Variants in NBEA observed in about 807,000 individuals in gnomAD.
NBEA encodes the protein neurobeachin.
Under a neutral mutation model 343.4 loss-of-function variants are expected in NBEA, and 44 were observed. The ratio of observed to expected loss-of-function variants is 0.13; its 90% CI spans 0.10 to 0.16. NBEA has a LOEUF of 0.16. NBEA is among the 10% of genes least tolerant of loss of function. The pLI is 1.00. For synonymous variants in NBEA, 1,175 were observed against 1,238.7 expected (o/e 0.95, Z 1.08); for missense variants, 2,555 against 3,631.3 (o/e 0.70, Z 7.62).
At chr13:35,029,993 C>T (rs768141513) in intron 1 of NBEA, among the ~76,000 whole-genome samples, 2 of 151,492 alleles carry the variant, frequency 1.3e-5, no homozygotes, top group Admixed American at 6.6e-5. Context: ...AAAAGAACAC[C>T]GTTAACTGTG....
At chr13:35,660,113 C>G (rs749363121) in intron 55 of NBEA, among the ~76,000 whole-genome samples, 2 of 152,058 alleles carry the variant, frequency 1.3e-5, no homozygotes, top group African/African-American at 4.8e-5. Flanking sequence ...CTTTGGAATC[C>G]CTAGAGTCCA....
rs2069232045 is a variant in NBEA, at chr13:35,157,234, A to G, written c.2808A>G (p.Arg936=). The change falls in exon 21 of 59, where the codon AGA becomes AGG. Residue 936 remains arginine, a synonymous_variant. Transcript: ENST00000379939. Reference sequence around the variant, plus strand: ...TAAAATATGAATGGGGAGGCTGGAGAGTCTGGGTGGATACCCTCTCAATAG... The same window carrying G: ...TAAAATATGAATGGGGAGGCTGGAGGGTCTGGGTGGATACCCTCTCAATAG... ...HAIKYEWGGW[R]VWVDTLSIAH... is the part of the protein sequence containing the mutation. 6.2e-7 allele frequency: 1 copy of G among 1,603,200 alleles called. No homozygotes were observed. The highest frequency in any genetic ancestry group is 8.5e-7 in the Non-Finnish European group (1 of 1,174,740).
At chr13:35,549,854 G>T (rs2079230414) in intron 41 of NBEA, among the ~76,000 whole-genome samples, 1 of 152,216 alleles carries the variant, frequency 6.6e-6, no homozygotes, top group South Asian at 2.1e-4. Context: ...GCCAAACTCT[G>T]CCCTGGGGGC....
rs575976643 is a variant in NBEA, at chr13:35,364,626, T to G, written c.6179+12303T>G. On this transcript the variant is annotated intron_variant, in intron 38 of 58. Coordinates refer to ENST00000379939, the MANE Select transcript of NBEA (RefSeq NM_001385012.1). Reference sequence around the variant, plus strand: ...CTCCAAAATGTTGTCATGAAAGTGATTAAGGGGGATTGAAGATCATGGTAA... The same window carrying G: ...CTCCAAAATGTTGTCATGAAAGTGAGTAAGGGGGATTGAAGATCATGGTAA... Among the ~76,000 whole-genome samples, 13 of 151,840 alleles carry G rather than the reference T, an allele frequency of 8.6e-5. 1 individual carries two copies. The highest frequency in any genetic ancestry group is 3.9e-4 in the East Asian group (2 of 5,170).
At chr13:35,416,421 C>A (rs1352316890) in intron 38 of NBEA, among the ~76,000 whole-genome samples, 1 of 152,130 alleles carries the variant, frequency 6.6e-6, no homozygotes, top group East Asian at 1.9e-4. Flanking sequence ...CACGTCCCAT[C>A]AATACCTACT....
rs1051769889 is a variant in NBEA at position 35,408,173 on chromosome 13, G to A, written c.6180-24096G>A. ...TACAAAAACAGACACATAGACCAAT[G>A]GAACAGAATACAGAACCCAGAAATA... On this transcript the variant is annotated intron_variant, in intron 38 of 58. Coordinates refer to ENST00000379939, the MANE Select transcript of NBEA (RefSeq NM_001385012.1). Among the ~76,000 whole-genome samples, 5 of 152,072 alleles carry A rather than the reference G, an allele frequency of 3.3e-5. No homozygotes were observed. The South Asian group carries it at 6.2e-4, about 19-fold the overall frequency.
At chr13:35,178,180 A>G (rs74048936) in intron 28 of NBEA, among the ~76,000 whole-genome samples, 6,737 of 151,834 alleles carry the variant, frequency 0.044, 174 homozygotes, top group South Asian at 0.08. Flanking sequence ...GTCTGGGTGC[A>G]GTGAAAGCTG....
intron 38 of NBEA, among the ~76,000 whole-genome samples, chr13:35,399,624 T>TTCTTA (rs1326545949): frequency 1.3e-5 from 2 of 152,118 alleles, no homozygotes; most frequent in Non-Finnish European, 2.9e-5. Flanking sequence ...CATATAAGCT[T>TTCTTA]TCTTATCATT....
intron 41 of NBEA, among the ~76,000 whole-genome samples, chr13:35,505,618 A>G (rs1361739315): frequency 6.6e-6 from 1 of 152,230 alleles, no homozygotes; most frequent in Non-Finnish European, 1.5e-5. Context: ...ATTCCATCTT[A>G]GAAGGAATAA....
At chr13:35,228,515 A>G (rs925289722) in intron 33 of NBEA, among the ~76,000 whole-genome samples, 2 of 151,692 alleles carry the variant, frequency 1.3e-5, no homozygotes, top group Non-Finnish European at 2.9e-5. Context: ...GTAATTTCTT[A>G]CCTCTCGCTC....
At chr13:35,180,710 A>G (rs939512242) in intron 28 of NBEA, among the ~76,000 whole-genome samples, 2 of 151,694 alleles carry the variant, frequency 1.3e-5, no homozygotes, top group Non-Finnish European at 3.0e-5. Context: ...GGGAAATAGT[A>G]GTATTTGAAT....
intron 41 of NBEA, among the ~76,000 whole-genome samples, chr13:35,516,520 A>G (rs1381198121): frequency 6.6e-6 from 1 of 152,212 alleles, no homozygotes; most frequent in African/African-American, 2.4e-5. Context: ...AGAAAATTAA[A>G]TGAGTCTACC....
intron 38 of NBEA, among the ~76,000 whole-genome samples, chr13:35,394,369 C>T (rs1000249098): frequency 6.6e-6 from 1 of 152,018 alleles, no homozygotes; most frequent in African/African-American, 2.4e-5. Context: ...CTTTTTTCCT[C>T]CCTTTTTGGT....
intron 10 of NBEA, among the ~76,000 whole-genome samples, chr13:35,078,331 C>T (rs1166960796): frequency 2.6e-5 from 4 of 152,182 alleles, no homozygotes; most frequent in Non-Finnish European, 5.9e-5. Context: ...CTGGTAGCCT[C>T]ATAAAACAAC....
intron 48 of NBEA, among the ~76,000 whole-genome samples, chr13:35,611,761 A>C (rs1174251680): frequency 6.6e-6 from 1 of 152,214 alleles, no homozygotes; most frequent in African/African-American, 2.4e-5. Context: ...CTTTTTACAT[A>C]ATACTACCAC....
At chr13:35,058,624 T>A in intron 7 of NBEA, 93 bp from the exon 8 acceptor site, 1 of 956,974 alleles carries the variant, frequency 1.0e-6, no homozygotes, top group Non-Finnish European at 1.6e-6. Context: ...TTGTTATATT[T>A]TAAAATATTC....
At chr13:35,171,011 G>A (rs2070419426) in intron 25 of NBEA, 1 of 545,182 alleles carries the variant, frequency 1.8e-6, no homozygotes, top group East Asian at 4.0e-5. Context: ...AGTTTAGGAT[G>A]TCATTTTTAT....
chr13:35,392,069 G>A (rs899790276), intron 38 of NBEA, among the ~76,000 whole-genome samples: 3 of 151,930 alleles, frequency 2.0e-5, no homozygotes, highest in Admixed American at 6.6e-5. Flanking sequence ...CAAGCACGCT[G>A]TTTCTCTTAG....
chr13:35,083,482 A>G (rs1023414549), intron 10 of NBEA, among the ~76,000 whole-genome samples: 16 of 152,294 alleles, frequency 1.1e-4, no homozygotes, highest in African/African-American at 3.8e-4. Context: ...AGAATTTTCA[A>G]CCCAGAACTT....
Sources: allele counts gnomAD v4.1 joint callset (sites outside exome capture counted in the v4.1 genomes callset), GRCh38; gene constraint gnomAD v4.1.1; transcripts MANE v1.5; gene names NCBI Gene and HGNC (gene_info 2026-07-23, HGNC 2026-07-21).